Variants in NAT1 observed in about 807,000 individuals in gnomAD.
NAT1 encodes the protein N-acetyltransferase 1.
For synonymous variants in NAT1, 144 were observed against 122.6 expected (o/e 1.17, Z -1.16); for missense variants, 400 against 339.2 (o/e 1.18, Z -1.41).
upstream of NAT1, among the ~76,000 whole-genome samples, chr8:18,205,265 G>A (rs1240487638): frequency 6.6e-6 from 1 of 152,168 alleles, no homozygotes; most frequent in Non-Finnish European, 1.5e-5. Flanking sequence ...CATAGGGGTG[G>A]AGGCAATGCA....
rs1805051545 is a variant in NAT1, at chr8:18,219,410, G to C, written c.-85-1G>C. On this transcript the variant is annotated splice_acceptor_variant, in intron 1 of 2. Coordinates refer to ENST00000307719, the MANE Select transcript of NAT1 (RefSeq NM_000662.8). LOFTEE classifies it low-confidence loss of function (5UTR_SPLICE). The stretch of plus-strand genomic sequence containing the variant: ...CTGACTGTCTTTTCTCTTATTTCTA[G>C]AATTCAAGCCAGGAAGAAGCAGCAA... 23 of 1,543,618 alleles carry C rather than the reference G, an allele frequency of 1.5e-5. No individual in the cohort carries two copies. The highest frequency in any genetic ancestry group is 1.9e-5 in the Non-Finnish European group (22 of 1,142,728).
chr8:18,175,826 C>A (rs748413443), intron 2 of NAT1, among the ~76,000 whole-genome samples: 8 of 152,110 alleles, frequency 5.3e-5, no homozygotes, highest in Non-Finnish European at 8.8e-5. Flanking sequence ...TTTATGTTCC[C>A]AACAGCATAC....
At chr8:18,178,149 C>A (rs1802364470) in intron 2 of NAT1, among the ~76,000 whole-genome samples, 1 of 152,018 alleles carries the variant, frequency 6.6e-6, no homozygotes, top group Non-Finnish European at 1.5e-5. Flanking sequence ...AGAAATAACA[C>A]CACTAGAGGC....
chr8:18,204,897 G>A (rs886498732), intron 2 of NAT1, among the ~76,000 whole-genome samples: 1 of 152,202 alleles, frequency 6.6e-6, no homozygotes, highest in Non-Finnish European at 1.5e-5. Flanking sequence ...TGATTGCGGT[G>A]TAAAGTGGAA....
At chr8:18,192,423 T>A (rs1346265030) in intron 2 of NAT1, among the ~76,000 whole-genome samples, 2 of 152,172 alleles carry the variant, frequency 1.3e-5, no homozygotes, top group African/African-American at 4.8e-5. Context: ...ATTGTGGAAG[T>A]CAGTGTGGCG....
intron 2 of NAT1, among the ~76,000 whole-genome samples, chr8:18,186,310 T>C (rs1168051376): frequency 6.6e-6 from 1 of 152,208 alleles, no homozygotes; most frequent in Non-Finnish European, 1.5e-5. Context: ...AATTTTATAA[T>C]TCCAAATGAA....
At chr8:18,189,194 T>C (rs1286145291) in intron 2 of NAT1, among the ~76,000 whole-genome samples, 1 of 152,114 alleles carries the variant, frequency 6.6e-6, no homozygotes, top group Non-Finnish European at 1.5e-5. Flanking sequence ...TAGGGGTTCC[T>C]TGAGGATTTC....
chr8:18,217,265 G>C, intron 1 of NAT1, among the ~76,000 whole-genome samples: 1 of 152,074 alleles, frequency 6.6e-6, no homozygotes, highest in East Asian at 1.9e-4. Flanking sequence ...CTTAGTGATG[G>C]GCATTGGGAA....
At chr8:18,192,402 C>T (rs1803030553) in intron 2 of NAT1, among the ~76,000 whole-genome samples, 1 of 152,168 alleles carries the variant, frequency 6.6e-6, no homozygotes, top group African/African-American at 2.4e-5. Flanking sequence ...GGACTGTCAA[C>T]TAGTTCAACC....
intron 2 of NAT1, among the ~76,000 whole-genome samples, chr8:18,184,914 G>A (rs536816161): frequency 6.6e-6 from 1 of 152,166 alleles, no homozygotes; most frequent in Non-Finnish European, 1.5e-5. Flanking sequence ...TTTATCAAAT[G>A]TACAGTGATA....
chr8:18,203,616 C>T (rs937504240), intron 2 of NAT1, among the ~76,000 whole-genome samples: 5 of 152,214 alleles, frequency 3.3e-5, no homozygotes, highest in African/African-American at 1.2e-4. Flanking sequence ...GTTGTGCCTC[C>T]TGGCTATGCT....
chr8:18,219,404 T>G lies in NAT1; in HGVS notation c.-85-7T>G. On this transcript the variant is annotated splice_region_variant and splice_polypyrimidine_tract_variant and intron_variant, in intron 1 of 2. Transcript: ENST00000307719. ...ATATTTCTGACTGTCTTTTCTCTTA[T>G]TTCTAGAATTCAAGCCAGGAAGAAG... 6.5e-7 allele frequency: 1 copy of G among 1,540,910 alleles called. No homozygotes were observed. The highest frequency in any genetic ancestry group is 1.2e-5 in the South Asian group (1 of 82,736).
At chr8:18,188,994 C>CAAAAAA (rs55636901) in intron 2 of NAT1, among the ~76,000 whole-genome samples, 18,689 of 82,488 alleles carry the variant, frequency 0.23, 3,166 homozygotes, top group Non-Finnish European at 0.3. Context: ...GACTCCGACT[C>CAAAAAA]AAAAAAAAAA....
chr8:18,173,339 A>G (rs1461742555), intron 2 of NAT1, among the ~76,000 whole-genome samples: 1 of 152,174 alleles, frequency 6.6e-6, no homozygotes, highest in Non-Finnish European at 1.5e-5. Context: ...CATTCTTGCC[A>G]TCTGTCTTCT....
intron 2 of NAT1, among the ~76,000 whole-genome samples, chr8:18,219,906 G>A (rs1165660547): frequency 3.4e-4 from 51 of 151,332 alleles, no homozygotes; most frequent in Non-Finnish European, 2.9e-5. Context: ...GGGTACAAGA[G>A]GCAAAAAAAG....
At chr8:18,195,797 C>G (rs983949869) in intron 2 of NAT1, among the ~76,000 whole-genome samples, 5 of 152,092 alleles carry the variant, frequency 3.3e-5, no homozygotes, top group African/African-American at 1.2e-4. Context: ...CCCAGGTTCA[C>G]TTTCAAAGTC....
At chr8:18,187,432 G>C (rs898869540) in intron 2 of NAT1, among the ~76,000 whole-genome samples, 1 of 152,130 alleles carries the variant, frequency 6.6e-6, no homozygotes. Context: ...CAATAGCAAA[G>C]ACATGGAATT....
At position 18,222,643 on chromosome 8, in the gene NAT1, T is replaced by C. The variant is rs144790969; in HGVS notation, c.596T>C (p.Ile199Thr). The change falls in exon 3 of 3, where the codon ATT becomes ACT. Residue 199 changes from isoleucine to threonine, a missense_variant. By Grantham distance (89) the Ile-to-Thr change is moderately conservative (BLOSUM62 -1). Coordinates refer to ENST00000307719, the MANE Select transcript of NAT1 (RefSeq NM_000662.8). ...IYSFTLKPRT[I>T]EDFESMNTYL... is the part of the protein sequence containing the mutation. ...TCCTTTACTCTTAAGCCTCGAACAA[T>C]TGAAGATTTTGAGTCTATGAATACA... 1.2e-6 allele frequency: 2 copies of C among 1,613,434 alleles called. No individual in the cohort carries two copies. Among genetic ancestry groups the C allele is most frequent in the South Asian group, 1.1e-5 (1 of 90,942 alleles).
chr8:18,219,598 G>T, intron 2 of NAT1, 109 bp downstream of exon 2: 2 of 599,766 alleles, frequency 3.3e-6, no homozygotes, highest in Non-Finnish European at 2.9e-6. Context: ...ATGTATCACT[G>T]CACAGAGATT....
Sources: gnomAD v4.1 joint callset for allele counts (sites outside exome capture counted in the v4.1 genomes callset) on GRCh38, gnomAD v4.1.1 for gene constraint, MANE v1.5 for transcripts, NCBI Gene and HGNC (gene_info 2026-07-23, HGNC 2026-07-21) for gene names.